Variants in SV2C observed in about 807,000 individuals in gnomAD.
SV2C encodes solute carrier family 22 member B3.
A neutral mutation model predicts 79.7 loss-of-function variants in SV2C; 49 were observed. That is an observed-to-expected ratio of 0.61 (90% confidence interval 0.49 to 0.78). The LOEUF (loss-of-function observed/expected upper bound fraction) is 0.78, where lower values mean the gene tolerates loss of function less well. SV2C is among the 30% of genes least tolerant of loss of function. The probability of loss-of-function intolerance (pLI) is 0.00; values close to 1 mark genes in which losing one functional copy is unlikely to be tolerated. For synonymous variants in SV2C, 334 were observed against 333.2 expected (o/e 1.00, Z -0.03); for missense variants, 833 against 912.9 (o/e 0.91, Z 1.13).
chr5:76,072,662 T>C, the SV2C span, among the ~76,000 whole-genome samples: 1 of 152,210 alleles, frequency 6.6e-6, no homozygotes, highest in Admixed American at 6.5e-5. Context: ...GTTCTACTAT[T>C]AGTTCTTTAA....
chr5:76,341,440 A>G (rs1277167079), intron 12 of SV2C, among the ~76,000 whole-genome samples: 2 of 152,194 alleles, frequency 1.3e-5, no homozygotes, highest in Non-Finnish European at 2.9e-5. Context: ...TCCACTTAGC[A>G]CTTGGGAAGG....
At chr5:76,116,507 A>G (rs1303290029) in intron 1 of SV2C, among the ~76,000 whole-genome samples, 3 of 152,130 alleles carry the variant, frequency 2.0e-5, no homozygotes, top group African/African-American at 7.2e-5. Context: ...GCCTTCCCTA[A>G]GCCTCGCCTT....
chr5:76,171,043 G>A, intron 2 of SV2C: 1 of 150,594 alleles, frequency 6.6e-6, no homozygotes, highest in Non-Finnish European at 1.2e-5. Context: ...GCCGGCGAGC[G>A]CCGCCCGGGA....
the SV2C span, among the ~76,000 whole-genome samples, chr5:75,863,498 G>T: frequency 1.3e-5 from 2 of 152,200 alleles, no homozygotes; most frequent in African/African-American, 4.8e-5. Flanking sequence ...TATTGGAAAT[G>T]TAGAGGTAAA....
chr5:75,858,323 A>G, the SV2C span, among the ~76,000 whole-genome samples: 7 of 152,274 alleles, frequency 4.6e-5, no homozygotes, highest in East Asian at 9.6e-4. Context: ...AAGATGTTGA[A>G]TTTTATCAAA....
chr5:75,853,607 CAAA>C, the SV2C span, among the ~76,000 whole-genome samples: 374 of 28,434 alleles, frequency 0.013, no homozygotes, highest in African/African-American at 0.055. Flanking sequence ...GACTCCGTCT[CAAA>C]AAAAAAAAAA....
the SV2C span, among the ~76,000 whole-genome samples, chr5:75,951,772 C>G: frequency 0.23 from 34,795 of 151,958 alleles, 5,303 homozygotes; most frequent in Non-Finnish European, 0.35. Flanking sequence ...TGACTTTTTA[C>G]TGAAATAGAC....
the SV2C span, chr5:75,911,456 C>A: frequency 1.1e-6 from 1 of 948,202 alleles, no homozygotes; most frequent in South Asian, 1.6e-5. Flanking sequence ...AACCCCAGGC[C>A]CTCCTCAGGG....
intron 3 of SV2C, among the ~76,000 whole-genome samples, chr5:76,203,401 A>G (rs972747046): frequency 4.6e-5 from 7 of 152,240 alleles, no homozygotes; most frequent in African/African-American, 1.7e-4. Flanking sequence ...GAGGCTAGAT[A>G]CATCTGCATG....
chr5:75,913,321 T>C, the SV2C span, among the ~76,000 whole-genome samples: 1 of 152,212 alleles, frequency 6.6e-6, no homozygotes, highest in Non-Finnish European at 1.5e-5. Context: ...ATCAGGAAGA[T>C]AACTGTATCA....
At chr5:75,971,449 C>A in the SV2C span, among the ~76,000 whole-genome samples, 1 of 152,088 alleles carries the variant, frequency 6.6e-6, no homozygotes, top group Non-Finnish European at 1.5e-5. Flanking sequence ...CCAAAATCTC[C>A]TTAAGCTGAT....
intron 12 of SV2C, among the ~76,000 whole-genome samples, chr5:76,317,826 C>T (rs1269505570): frequency 6.6e-6 from 1 of 152,126 alleles, no homozygotes; most frequent in Non-Finnish European, 1.5e-5. Context: ...AAGGCCCTGC[C>T]TCAAAAATGT....
In SV2C at chr5:76,131,797, A is replaced by G. The variant is rs1748900022; in HGVS notation, c.47A>G (p.Lys16Arg). 1.2e-6 allele frequency: 2 copies of G among 1,614,030 alleles called. No individual in the cohort carries two copies. The highest frequency in any genetic ancestry group is 1.7e-6 in the Non-Finnish European group (2 of 1,179,970). ...KDRTSLMKGAKDIAREVKKQT... is the reference protein window; with the variant it reads ...KDRTSLMKGARDIAREVKKQT... ...AGGACTTCACTGATGAAGGGTGCCA[A>G]GGACATTGCCAGAGAGGTGAAGAAA... Residue 16 changes from lysine to arginine, a missense_variant, in exon 2 of 13, where the codon AAG becomes AGG. Coordinates refer to ENST00000502798, the MANE Select transcript of SV2C (RefSeq NM_014979.4).
At chr5:75,984,090 C>T in the SV2C span, among the ~76,000 whole-genome samples, 1 of 151,960 alleles carries the variant, frequency 6.6e-6, no homozygotes, top group Non-Finnish European at 1.5e-5. Flanking sequence ...AGTGTCTGAT[C>T]GAACCCCTCC....
At chr5:76,150,054 A>T (rs529688424) in intron 2 of SV2C, among the ~76,000 whole-genome samples, 1 of 152,360 alleles carries the variant, frequency 6.6e-6, no homozygotes, top group African/African-American at 2.4e-5. Context: ...GAAAATCGAA[A>T]GAGTTAATCA....
chr5:76,236,304 T>TGGG (rs1217108039), intron 4 of SV2C, among the ~76,000 whole-genome samples: 1 of 152,134 alleles, frequency 6.6e-6, no homozygotes, highest in Non-Finnish European at 1.5e-5. Flanking sequence ...GCATGGTGGC[T>TGGG]CACACCTGTA....
chr5:75,969,489 A>C, the SV2C span, among the ~76,000 whole-genome samples: 682 of 152,240 alleles, frequency 4.5e-3, 8 homozygotes, highest in African/African-American at 0.015. Context: ...ATCTACCAAG[A>C]AAATGGAAAA....
chr5:76,212,978 A>G (rs953878678), intron 4 of SV2C, among the ~76,000 whole-genome samples: 2 of 152,226 alleles, frequency 1.3e-5, no homozygotes, highest in African/African-American at 4.8e-5. Flanking sequence ...AGAATGAGGG[A>G]AAGTTGGGAA....
chr5:75,960,547 G>A, the SV2C span, among the ~76,000 whole-genome samples: 10 of 151,844 alleles, frequency 6.6e-5, no homozygotes, highest in Non-Finnish European at 1.5e-4. Context: ...ACAGATTTGT[G>A]GCCAAAAAGC....
Sources: gnomAD v4.1 joint callset for allele counts (sites outside exome capture counted in the v4.1 genomes callset) on GRCh38, gnomAD v4.1.1 for gene constraint, MANE v1.5 for transcripts, NCBI Gene and HGNC (gene_info 2026-07-23, HGNC 2026-07-21) for gene names.